ERO1A: variants seen among roughly 807,000 people sequenced by gnomAD.
ERO1A encodes the protein ERO1-like protein alpha.
ERO1A carries 49 observed loss-of-function variants against 76.9 expected under a neutral mutation model. The ratio of observed to expected loss-of-function variants is 0.64; its 90% confidence interval spans 0.51 to 0.81. The LOEUF (loss-of-function observed/expected upper bound fraction) is 0.81, where lower values mean the gene tolerates loss of function less well. Ranked by LOEUF, ERO1A falls within the 30% of genes least tolerant of loss-of-function variation. The probability of loss-of-function intolerance (pLI) is 0.00; values close to 1 mark genes in which losing one functional copy is unlikely to be tolerated. For missense variants in ERO1A, 448 were observed against 542.1 expected (o/e 0.83, Z 1.72); for synonymous variants, 174 against 181.2 (o/e 0.96, Z 0.32).
rs34687399 is a variant in ERO1A at position 52,643,312 on chromosome 14, ATCC to A, written c.*255_*257del. The stretch of plus-strand genomic sequence containing the variant: ...ACTTTTATCATATATGAATTTGATA[ATCC>A]TCCTTTTATTCAATATTAAACTTTA... On this transcript the variant is annotated 3_prime_UTR_variant, in exon 16 of 16. Coordinates refer to ENST00000395686, the MANE Select transcript of ERO1A (RefSeq NM_014584.3). 29,326 of 267,924 alleles carry A rather than the reference ATCC, an allele frequency of 0.11. 1,725 individuals carry two copies. The highest frequency in any genetic ancestry group is 0.18 in the South Asian group (1,266 of 6,952). The allele number at this position is 267,924 out of a possible 1,614,324, so 16.6% of individuals were successfully genotyped here. A position where few individuals can be genotyped will look rare whatever the true frequency, so the allele number is the denominator to read the frequency against.
chr14:52,640,946 A>G lies in ERO1A; in HGVS notation c.*2624T>C, dbSNP rs781255169. On this transcript the variant is annotated 3_prime_UTR_variant, in exon 16 of 16. Transcript: ENST00000395686. ...AAAGATAAGGATTTAGGAACTGCTG[A>G]ATTAAAATTACCCAAGCGTGAGAAG... is the stretch of plus-strand genomic sequence containing the variant. The G allele has an allele frequency of 1.3e-5, 2 of 152,162 alleles. No individual in the cohort carries two copies. Among genetic ancestry groups the G allele is most frequent in the Non-Finnish European group, 2.9e-5 (2 of 68,040 alleles). 9.4% of individuals were successfully genotyped at this position (152,162 alleles called of 1,614,324 possible).
chr14:52,666,389 T>C lies in ERO1A; in HGVS notation c.615A>G (p.Glu205=). 2 of 1,604,262 alleles carry C rather than the reference T, an allele frequency of 1.2e-6. No individual in the cohort carries two copies. The highest frequency in any genetic ancestry group is 1.7e-6 in the Non-Finnish European group (2 of 1,176,726). The part of the protein sequence containing the change: ...DAWKIWNVIY[E]ENCFKPQTIK... Reference sequence around the variant, plus strand: ...ATGACACATACTTAAAACAGTTTTCTTCGTAGATGACATTCCATATTTTCC... The same window carrying C: ...ATGACACATACTTAAAACAGTTTTCCTCGTAGATGACATTCCATATTTTCC... The change falls in exon 7 of 16, where the codon GAA becomes GAG. Residue 205 remains glutamate, a synonymous_variant. Transcript: ENST00000395686.
chr14:52,688,155 C>T lies in ERO1A; in HGVS notation c.115-4248G>A, dbSNP rs116187527. 2.1e-3 allele frequency among the ~76,000 whole-genome samples: 324 copies of T among 151,850 alleles called. 1 individual carries two copies. Among genetic ancestry groups the T allele is most frequent in the African/African-American group, 7.5e-3 (309 of 41,358 alleles). On this transcript the variant is annotated intron_variant, in intron 1 of 15. Transcript: ENST00000395686. ...GAGCCATAATCATGCCAATGTACTC[C>T]AGCCTAAATGACAGAGCAAGACCTT...
At chr14:52,681,309 C>T (rs1396642905) in intron 3 of ERO1A, among the ~76,000 whole-genome samples, 2 of 152,096 alleles carry the variant, frequency 1.3e-5, no homozygotes, top group Admixed American at 6.5e-5. Context: ...AAAAAGGAAT[C>T]GAAGCTGGGC....
At chr14:52,686,358 A>G (rs181483441) in intron 1 of ERO1A, among the ~76,000 whole-genome samples, 3 of 152,336 alleles carry the variant, frequency 2.0e-5, no homozygotes, top group Non-Finnish European at 4.4e-5. Context: ...AGTGCCCCAG[A>G]GTACACAAGC....
At chr14:52,655,906 T>G (rs1281006952) in intron 11 of ERO1A, among the ~76,000 whole-genome samples, 1 of 152,230 alleles carries the variant, frequency 6.6e-6, no homozygotes, top group African/African-American at 2.4e-5. Context: ...AAATGTATAT[T>G]TATTTTGTAA....
intron 15 of ERO1A, among the ~76,000 whole-genome samples, chr14:52,645,907 G>A (rs536745324): frequency 1.3e-5 from 2 of 151,680 alleles, no homozygotes; most frequent in East Asian, 1.9e-4. Context: ...GTGGTGTCAC[G>A]CACCTGTAAT....
intron 15 of ERO1A, among the ~76,000 whole-genome samples, chr14:52,644,750 C>T (rs1291980568): frequency 2.0e-5 from 3 of 151,956 alleles, no homozygotes; most frequent in Non-Finnish European, 4.4e-5. Flanking sequence ...CGTATGACTA[C>T]ACTGTTTTCA....
chr14:52,663,985 C>A, intron 7 of ERO1A, 138 bp from the exon 8 acceptor site: 1 of 516,182 alleles, frequency 1.9e-6, no homozygotes, highest in Non-Finnish European at 3.5e-6. Context: ...TTAGTTTCCT[C>A]TAATTGCTTT....
At chr14:52,663,430 T>G (rs1386651050) in intron 8 of ERO1A, among the ~76,000 whole-genome samples, 1 of 151,802 alleles carries the variant, frequency 6.6e-6, no homozygotes, top group Non-Finnish European at 1.5e-5. Context: ...AAACCTCATC[T>G]CTACTAAAAA....
Position 52,683,900 on chromosome 14 carries a change from C to T in ERO1A, c.122G>A (p.Gly41Asp), listed in dbSNP as rs760766253. The T allele has an allele frequency of 6.4e-7, 1 of 1,571,370 alleles. No individual in the cohort carries two copies. The highest frequency in any genetic ancestry group is 1.9e-5 in the Admixed American group (1 of 53,310). Residue 41 changes from glycine (G) to aspartate (D), a missense_variant, in exon 2 of 16, where the codon GGT (glycine) becomes GAT (aspartate). Gly to Asp is a moderately conservative substitution (Grantham distance 94, BLOSUM62 -1). This residue lies in a region of ERO1A where 146 missense variants were observed against 130.2 expected (regional missense o/e 1.12). Coordinates refer to ENST00000395686, the MANE Select transcript of ERO1A (RefSeq NM_014584.3). ...AAQRCFCQVS[G>D]YLDDCTCDVE... ...ATCACAGGTACAATCATCCAAGTAACCACTAACCTGTTACAAAGAAAATGA... is the reference window on the plus strand; with the variant it reads ...ATCACAGGTACAATCATCCAAGTAATCACTAACCTGTTACAAAGAAAATGA...
rs1344125435 is a variant in ERO1A at position 52,653,312 on chromosome 14, G to T, written c.812C>A (p.Thr271Asn). ...HLSARYLLQE[T>N]WLEKKWGHNI... is the part of the protein sequence containing the mutation. ...GTGTCCCCATTTCTTTTCTAACCAGGTCTCTAAGAAGGAAGAAGAATTAAA... is the reference window on the plus strand; with the variant it reads ...GTGTCCCCATTTCTTTTCTAACCAGTTCTCTAAGAAGGAAGAAGAATTAAA... Residue 271 changes from threonine to asparagine, a missense_variant, in exon 12 of 16, where the codon ACC becomes AAC. Around this residue, in one of 2 missense-constraint regions of ERO1A, gnomAD observed 302 missense variants for 411.9 expected, o/e 0.73. Coordinates refer to ENST00000395686, the MANE Select transcript of ERO1A (RefSeq NM_014584.3). 1 of 1,583,588 alleles carries T rather than the reference G, an allele frequency of 6.3e-7. No individual in the cohort carries two copies. Among genetic ancestry groups the T allele is most frequent in the African/African-American group, 1.4e-5 (1 of 73,208 alleles).
chr14:52,679,165 G>A (rs1361499469), intron 3 of ERO1A, among the ~76,000 whole-genome samples: 4 of 152,020 alleles, frequency 2.6e-5, no homozygotes, highest in Non-Finnish European at 4.4e-5. Flanking sequence ...GCAGAACTGT[G>A]AGCCAAATAA....
At chr14:52,693,676 T>C (rs1162673244) in intron 1 of ERO1A, among the ~76,000 whole-genome samples, 1 of 151,968 alleles carries the variant, frequency 6.6e-6, no homozygotes, top group Non-Finnish European at 1.5e-5. Flanking sequence ...TTAATTTTTT[T>C]TGTAGAGACG....
intron 1 of ERO1A, among the ~76,000 whole-genome samples, chr14:52,684,745 T>A (rs191805366): frequency 1.3e-3 from 198 of 152,316 alleles, no homozygotes; most frequent in African/African-American, 4.6e-3. Context: ...AATGCACATA[T>A]CCTAGGATAC....
intron 1 of ERO1A, among the ~76,000 whole-genome samples, chr14:52,686,352 C>T (rs1035218376): frequency 1.3e-5 from 2 of 152,174 alleles, no homozygotes; most frequent in African/African-American, 4.8e-5. Context: ...GTGCTCAGTG[C>T]CCCAGAGTAC....
chr14:52,670,587 C>T (rs1199086824), intron 6 of ERO1A, among the ~76,000 whole-genome samples: 1 of 152,158 alleles, frequency 6.6e-6, no homozygotes, highest in Non-Finnish European at 1.5e-5. Context: ...TTAACAGCAG[C>T]AGCACTCTGG....
chr14:52,651,011 G>A (rs1275781730), intron 13 of ERO1A, among the ~76,000 whole-genome samples: 2 of 150,938 alleles, frequency 1.3e-5, no homozygotes, highest in Non-Finnish European at 2.9e-5. Flanking sequence ...GCTCACGCCT[G>A]TAATCCCAGC....
chr14:52,674,400 T>C (rs534893336), intron 4 of ERO1A, among the ~76,000 whole-genome samples: 1 of 152,272 alleles, frequency 6.6e-6, no homozygotes, highest in African/African-American at 2.4e-5. Context: ...GGTCTCACAA[T>C]GTTGCCCAGA....
Sources: gnomAD v4.1 joint callset for allele counts (sites outside exome capture counted in the v4.1 genomes callset) on GRCh38, gnomAD v4.1.1 for gene constraint, gnomAD v4.1.1 regional missense constraint, MANE v1.5 for transcripts, NCBI Gene and HGNC (gene_info 2026-07-23, HGNC 2026-07-21) for gene names.